CNKSR3: variants seen among roughly 807,000 people sequenced by gnomAD.
CNKSR3 encodes connector enhancer of kinase suppressor of ras 3.
Under a neutral mutation model 67.7 loss-of-function variants are expected in CNKSR3, and 36 were observed. The ratio of observed to expected loss-of-function variants is 0.53; its 90% confidence interval spans 0.41 to 0.70. The LOEUF (loss-of-function observed/expected upper bound fraction) is 0.70, where lower values mean the gene tolerates loss of function less well. Ranked by LOEUF, CNKSR3 falls within the 30% of genes least tolerant of loss-of-function variation. The probability of loss-of-function intolerance (pLI) is 0.00; values close to 1 mark genes in which losing one functional copy is unlikely to be tolerated. For synonymous variants in CNKSR3, 281 were observed against 271.4 expected, an observed-to-expected ratio of 1.04 and a Z score of -0.35; for missense variants, 630 against 695.2, an observed-to-expected ratio of 0.91 and a Z score of 1.05.
At chr6:154,509,159 G>A (rs573054947) in intron 1 of CNKSR3, among the ~76,000 whole-genome samples, 3 of 152,112 alleles carry the variant, frequency 2.0e-5, no homozygotes, top group African/African-American at 7.2e-5. Context: ...TGAAAATACA[G>A]ATTGTTCTTG....
intron 1 of CNKSR3, among the ~76,000 whole-genome samples, chr6:154,482,985 C>T (rs1786594878): frequency 6.6e-6 from 1 of 152,130 alleles, no homozygotes; most frequent in African/African-American, 2.4e-5. Flanking sequence ...CAGCTGTTTC[C>T]TAGCATTCAT....
chr6:154,416,287 C>G (rs970051955), intron 9 of CNKSR3, among the ~76,000 whole-genome samples: 1 of 152,110 alleles, frequency 6.6e-6, no homozygotes, highest in Non-Finnish European at 1.5e-5. Context: ...CAGAGGACAG[C>G]TCATTTTCAG....
chr6:154,437,075 C>G (rs573392210), intron 4 of CNKSR3, among the ~76,000 whole-genome samples: 144 of 152,192 alleles, frequency 9.5e-4, no homozygotes, highest in Admixed American at 2.0e-3. Flanking sequence ...ATGGGACAAG[C>G]AAATGTCTCT....
intron 1 of CNKSR3, among the ~76,000 whole-genome samples, chr6:154,450,618 C>G (rs1243125329): frequency 1.3e-5 from 2 of 152,164 alleles, no homozygotes; most frequent in Non-Finnish European, 2.9e-5. Context: ...CCCTCCCATC[C>G]CACGTAATCC....
chr6:154,482,881 T>C (rs930199407), intron 1 of CNKSR3, among the ~76,000 whole-genome samples: 1 of 152,178 alleles, frequency 6.6e-6, no homozygotes, highest in African/African-American at 2.4e-5. Context: ...ATTCCATAGC[T>C]CTTGAATGTT....
At chr6:154,454,123 A>AC (rs1785900543) in intron 1 of CNKSR3, among the ~76,000 whole-genome samples, 1 of 138,898 alleles carries the variant, frequency 7.2e-6, no homozygotes, top group African/African-American at 2.8e-5. Flanking sequence ...AGAGAGAGAG[A>AC]GAGAGAGAGA....
chr6:154,426,191 G>T (rs1785251325), intron 7 of CNKSR3, among the ~76,000 whole-genome samples: 1 of 152,112 alleles, frequency 6.6e-6, no homozygotes. Context: ...TCCCTGAGAC[G>T]ACTTCCATAC....
At chr6:154,466,319 A>G (rs1484464383) in intron 1 of CNKSR3, among the ~76,000 whole-genome samples, 1 of 152,216 alleles carries the variant, frequency 6.6e-6, no homozygotes, top group East Asian at 1.9e-4. Context: ...TTGTAAGTAG[A>G]GAAGGGCCAG....
At chr6:154,461,719 G>A (rs1009181853) in intron 1 of CNKSR3, among the ~76,000 whole-genome samples, 6 of 152,198 alleles carry the variant, frequency 3.9e-5, no homozygotes, top group Non-Finnish European at 8.8e-5. Context: ...TATATAGTAA[G>A]CGCTACTATT....
intron 2 of CNKSR3, among the ~76,000 whole-genome samples, chr6:154,443,164 C>T (rs1202226298): frequency 6.6e-6 from 1 of 152,184 alleles, no homozygotes; most frequent in Non-Finnish European, 1.5e-5. Flanking sequence ...TCTCAAAGTA[C>T]TGGGATTACA....
intron 1 of CNKSR3, among the ~76,000 whole-genome samples, chr6:154,466,945 A>C (rs930994671): frequency 4.6e-5 from 7 of 152,008 alleles, no homozygotes; most frequent in African/African-American, 1.7e-4. Context: ...GAAGAGAAGA[A>C]AATGTGGGAG....
chr6:154,450,064 C>T (rs1349062244), intron 2 of CNKSR3, 31 bp downstream of exon 2: 2 of 1,602,572 alleles, frequency 1.2e-6, no homozygotes, highest in African/African-American at 1.3e-5. Context: ...AGAACGTCAT[C>T]ACGGTACAGA....
intron 7 of CNKSR3, among the ~76,000 whole-genome samples, chr6:154,426,224 A>G (rs1584070723): frequency 6.6e-6 from 1 of 152,206 alleles, no homozygotes; most frequent in South Asian, 2.1e-4. Context: ...GAATACCAGG[A>G]CAGCCCCTGA....
At chr6:154,489,584 G>A (rs183527537) in intron 1 of CNKSR3, among the ~76,000 whole-genome samples, 14 of 152,214 alleles carry the variant, frequency 9.2e-5, no homozygotes, top group Non-Finnish European at 1.2e-4. Flanking sequence ...GTATATTAGC[G>A]TATGGGTATA....
intron 1 of CNKSR3, 50 bp downstream of exon 1, chr6:154,510,013 G>T: frequency 6.3e-7 from 1 of 1,599,446 alleles, no homozygotes; most frequent in Non-Finnish European, 8.6e-7. Flanking sequence ...CTCCTCGTCC[G>T]CCCCATCCCC....
At chr6:154,467,756 T>C (rs5020787) in intron 1 of CNKSR3, among the ~76,000 whole-genome samples, 6 of 151,598 alleles carry the variant, frequency 4.0e-5, no homozygotes, top group Admixed American at 1.3e-4. Context: ...TATATATATA[T>C]CATTTTTGTT....
At chr6:154,408,146 T>C (rs958209929) in intron 12 of CNKSR3, among the ~76,000 whole-genome samples, 3 of 152,106 alleles carry the variant, frequency 2.0e-5, no homozygotes, top group African/African-American at 7.2e-5. Context: ...TGCCTCAGCC[T>C]CCCGAATAGC....
chr6:154,408,502 G>C (rs757181828), intron 12 of CNKSR3, among the ~76,000 whole-genome samples: 10 of 152,202 alleles, frequency 6.6e-5, no homozygotes, highest in Non-Finnish European at 1.5e-4. Flanking sequence ...TGTAATGAAA[G>C]GGGAACAGTC....
rs773533317 is a variant in CNKSR3, at chr6:154,415,227, C to CTTTTTTTTTTTTTTTTT, written c.946-805_946-804insAAAAAAAAAAAAAAAAA. On this transcript the variant is annotated intron_variant, in intron 9 of 12. Coordinates refer to ENST00000607772, the MANE Select transcript of CNKSR3 (RefSeq NM_173515.4). Reference sequence around the variant, plus strand: ...ATCCTGGCTAGACTTACTAGCTGCCCATTTTTTTTTTTTTTTTTTTTAAGA... The same window carrying CTTTTTTTTTTTTTTTTT: ...ATCCTGGCTAGACTTACTAGCTGCCCTTTTTTTTTTTTTTTTTATTTTTTTTTTTTTTTTTTTTAAGA... 1.0e-3 allele frequency among the ~76,000 whole-genome samples: 117 copies of CTTTTTTTTTTTTTTTTT among 112,756 alleles called. 15 individuals are homozygous for CTTTTTTTTTTTTTTTTT. Among genetic ancestry groups the CTTTTTTTTTTTTTTTTT allele is most frequent in the Middle Eastern group, 0.011 (2 of 186 alleles). The allele number at this position is 112,756 out of a possible 152,430, so 74.0% of individuals were successfully genotyped here.
Sources: gnomAD v4.1 joint callset for allele counts (sites outside exome capture counted in the v4.1 genomes callset) on GRCh38, gnomAD v4.1.1 for gene constraint, MANE v1.5 for transcripts, NCBI Gene and HGNC (gene_info 2026-07-23, HGNC 2026-07-21) for gene names.